The following CDC14B variants were observed in gnomAD, a reference collection of about 807,000 sequenced individuals.
CDC14B encodes the protein cell division cycle 14B.
CDC14B carries 22 observed loss-of-function variants against 64.2 expected under a neutral mutation model. The observed-to-expected ratio is 0.34, with a 90% CI of 0.24 to 0.49. The LOEUF is 0.49. Ranked by LOEUF, CDC14B falls within the 20% of genes least tolerant of loss-of-function variation. CDC14B has a pLI of 0.99. For synonymous variants in CDC14B, 191 were observed against 215.8 expected, an observed-to-expected ratio of 0.89 and a Z score of 1.01; for missense variants, 498 against 629.9, an observed-to-expected ratio of 0.79 and a Z score of 2.24.
chr9:96,581,348 A>T (rs760343307), intron 1 of CDC14B, among the ~76,000 whole-genome samples: 1 of 152,120 alleles, frequency 6.6e-6, no homozygotes, highest in Non-Finnish European at 1.5e-5. Flanking sequence ...TCATGCCTAT[A>T]GTCCCAGCTA....
intron 5 of CDC14B, among the ~76,000 whole-genome samples, chr9:96,546,488 C>G (rs931916977): frequency 1.3e-5 from 2 of 150,346 alleles, no homozygotes; most frequent in African/African-American, 4.9e-5. Context: ...TCGCTCTTGT[C>G]GCCCAGGCTG....
At chr9:96,527,673 T>C (rs550931727) in intron 9 of CDC14B, among the ~76,000 whole-genome samples, 44 of 152,132 alleles carry the variant, frequency 2.9e-4, no homozygotes, top group Non-Finnish European at 5.4e-4. Flanking sequence ...CGGAGTGCAA[T>C]GGCGCAATCT....
intron 13 of CDC14B, among the ~76,000 whole-genome samples, chr9:96,504,867 T>G (rs1224813186): frequency 6.6e-6 from 1 of 151,776 alleles, no homozygotes; most frequent in Non-Finnish European, 1.5e-5. Context: ...CTGAAAACAC[T>G]CGTGGTTTTA....
intron 1 of CDC14B, among the ~76,000 whole-genome samples, chr9:96,615,813 C>T (rs1847590423): frequency 6.6e-6 from 1 of 152,146 alleles, no homozygotes; most frequent in South Asian, 2.1e-4. Context: ...TTCCTAATAG[C>T]CAAAAAGTCC....
At chr9:96,617,108 ATTTT>A (rs11336438) in intron 1 of CDC14B, among the ~76,000 whole-genome samples, 1 of 147,538 alleles carries the variant, frequency 6.8e-6, no homozygotes. Context: ...ATCTGATAGG[ATTTT>A]TTTTTTTTTT....
intron 12 of CDC14B, among the ~76,000 whole-genome samples, chr9:96,518,383 C>T (rs950740649): frequency 1.3e-5 from 2 of 151,986 alleles, no homozygotes; most frequent in African/African-American, 2.4e-5. Flanking sequence ...GGCGTGGTGG[C>T]GTGTGCCTGT....
intron 1 of CDC14B, among the ~76,000 whole-genome samples, chr9:96,586,063 G>A (rs766574075): frequency 4.6e-5 from 7 of 152,076 alleles, no homozygotes; most frequent in Non-Finnish European, 1.0e-4. Flanking sequence ...GTAGTGGGAT[G>A]ACAGGAAAGA....
In CDC14B at chr9:96,534,171, T is replaced by C; in HGVS notation, c.716-14A>G. On this transcript the variant is annotated splice_polypyrimidine_tract_variant and intron_variant, in intron 8 of 13. Coordinates refer to ENST00000375241, the MANE Select transcript of CDC14B (RefSeq NM_033331.4). ...GTTGGTGGTAACCTACATAAAGAAATGCACCAGATCTTATAAAACACATAA... is the reference window on the plus strand; with the variant it reads ...GTTGGTGGTAACCTACATAAAGAAACGCACCAGATCTTATAAAACACATAA... 1 of 1,479,444 alleles carries C rather than the reference T, an allele frequency of 6.8e-7. No homozygotes were observed. Among genetic ancestry groups the C allele is most frequent in the East Asian group, 2.3e-5 (1 of 43,978 alleles). The allele number at this position is 1,479,444 out of a possible 1,614,324, so 91.6% of individuals were successfully genotyped here.
intron 13 of CDC14B, chr9:96,493,360 C>G (rs529856681): frequency 6.6e-6 from 1 of 152,380 alleles, no homozygotes. Flanking sequence ...TGAACCCTCC[C>G]GACACTCATG....
intron 1 of CDC14B, among the ~76,000 whole-genome samples, chr9:96,616,300 G>A (rs542854541): frequency 2.0e-5 from 3 of 151,026 alleles, no homozygotes; most frequent in Middle Eastern, 3.6e-3. Context: ...CACTCAACCC[G>A]GGCAACAGAG....
At chr9:96,499,425 C>G (rs1011996222), downstream of CDC14B, among the ~76,000 whole-genome samples, 2 of 152,184 alleles carry the variant, frequency 1.3e-5, no homozygotes, top group Non-Finnish European at 2.9e-5. Flanking sequence ...GTCTGGCGTC[C>G]GGGGTTGGAC....
At position 96,514,702 on chromosome 9, in the gene CDC14B, G is replaced by C. The variant is rs969424838; in HGVS notation, c.1344-4913C>G. On this transcript the variant is annotated intron_variant, in intron 12 of 13. Coordinates refer to ENST00000375241, the MANE Select transcript of CDC14B (RefSeq NM_033331.4). ...ACAAGAGAAGAAATTCTTAAAATAT[G>C]AGTTAAGGAAAAAGCTTCAGAGAAG... 3 of 985,294 alleles carry C rather than the reference G, an allele frequency of 3.0e-6. No homozygotes were observed. In the African/African-American group the frequency reaches 5.2e-5, roughly 17 times the overall value. The allele number at this position is 985,294 out of a possible 1,614,324, so 61.0% of individuals were successfully genotyped here.
intron 13 of CDC14B, among the ~76,000 whole-genome samples, chr9:96,508,380 T>A (rs1834455769): frequency 6.6e-6 from 1 of 152,216 alleles, no homozygotes; most frequent in Non-Finnish European, 1.5e-5. Context: ...ACTAAATGTA[T>A]GACTCCCAAT....
intron 9 of CDC14B, among the ~76,000 whole-genome samples, chr9:96,527,816 C>T (rs59456909): frequency 0.017 from 2,552 of 152,064 alleles, 72 homozygotes; most frequent in African/African-American, 0.059. Context: ...GGGGTTTCAC[C>T]GTGTTAGCCA....
intron 1 of CDC14B, chr9:96,618,637 C>G (rs768707752): frequency 9.1e-5 from 48 of 528,004 alleles, no homozygotes; most frequent in East Asian, 8.2e-4. Flanking sequence ...GTTCGGGGGG[C>G]GCGCTAGGGG....
In CDC14B at chr9:96,515,780, A is replaced by G; in HGVS notation, c.1344-5991T>C. On this transcript the variant is annotated intron_variant, in intron 12 of 13. Transcript: ENST00000375241. The surrounding 1 kb of genome is among the most constrained non-coding windows in gnomAD (Gnocchi z 4.3). ...CACTACACAGTGCAGAGGTCAGCAC[A>G]GCTAGGGGACATCTGGAAAGGGGTG... The G allele has an allele frequency of 6.3e-7, 1 of 1,599,042 alleles. No homozygotes were observed. Among genetic ancestry groups the G allele is most frequent in the Non-Finnish European group, 8.5e-7 (1 of 1,173,358 alleles).
intron 9 of CDC14B, among the ~76,000 whole-genome samples, chr9:96,530,696 T>TA (rs1297590800): frequency 2.0e-5 from 3 of 151,964 alleles, no homozygotes; most frequent in Non-Finnish European, 2.9e-5. Context: ...GAACTTCCAT[T>TA]ACCATGTTAA....
intron 9 of CDC14B, among the ~76,000 whole-genome samples, chr9:96,525,096 G>C (rs966477150): frequency 3.9e-5 from 6 of 152,080 alleles, no homozygotes; most frequent in African/African-American, 1.4e-4. Flanking sequence ...AAGCAACAGG[G>C]AATCAGGAAC....
At chr9:96,593,725 A>G (rs1477864848) in intron 1 of CDC14B, among the ~76,000 whole-genome samples, 1 of 152,200 alleles carries the variant, frequency 6.6e-6, no homozygotes, top group Admixed American at 6.5e-5. Flanking sequence ...CTGGATATGT[A>G]AAGATATTAA....
Sources: gnomAD v4.1 joint callset for allele counts (sites outside exome capture counted in the v4.1 genomes callset) on GRCh38, gnomAD v4.1.1 for gene constraint, Gnocchi (gnomAD v3.1) non-coding constraint, MANE v1.5 for transcripts, NCBI Gene and HGNC (gene_info 2026-07-23, HGNC 2026-07-21) for gene names.